REC114: variants seen among roughly 807,000 people sequenced by gnomAD.
REC114 encodes meiotic recombination protein REC114.
In REC114, 27 loss-of-function variants were observed where a neutral mutation model predicts 31.3. That is an observed-to-expected ratio of 0.86 (90% CI 0.64 to 1.19). The LOEUF is 1.19. Among genes scored for constraint, REC114 ranks in the 50% most tolerant of loss-of-function variants. The pLI, the probability that REC114 is intolerant of heterozygous loss-of-function variation, is 0.00. For missense variants in REC114, 344 were observed against 326.9 expected (o/e 1.05, Z -0.40); for synonymous variants, 134 against 127.7 (o/e 1.05, Z -0.33).
At chr15:73,445,014 C>T (rs375212257) in intron 1 of REC114, among the ~76,000 whole-genome samples, 1 of 152,178 alleles carries the variant, frequency 6.6e-6, no homozygotes, top group East Asian at 1.9e-4. Context: ...TTGGTCTCAA[C>T]AGTGGGCTTA....
intron 1 of REC114, among the ~76,000 whole-genome samples, chr15:73,453,540 C>T (rs953907283): frequency 2.6e-5 from 4 of 152,122 alleles, no homozygotes; most frequent in African/African-American, 9.7e-5. Context: ...ATTAGTTCAA[C>T]CATTGTGGAA....
chr15:73,472,320 G>A (rs914658618), intron 1 of REC114, among the ~76,000 whole-genome samples: 1 of 152,204 alleles, frequency 6.6e-6, no homozygotes, highest in Non-Finnish European at 1.5e-5. Context: ...TACTGGGAAA[G>A]AGGGAGAATT....
chr15:73,490,891 A>G (rs994576160), intron 2 of REC114, among the ~76,000 whole-genome samples: 3 of 152,036 alleles, frequency 2.0e-5, no homozygotes, highest in Non-Finnish European at 2.9e-5. Flanking sequence ...CTGGCACTAC[A>G]GATTAGTTTT....
chr15:73,546,837 G>A lies in REC114; in HGVS notation c.334-4101G>A, dbSNP rs1211834517. Among the ~76,000 whole-genome samples the A allele has an allele frequency of 2.8e-5, 4 of 140,944 alleles. No individual in the cohort carries two copies. The South Asian group carries it at 9.2e-4, about 32-fold the overall frequency. 92.5% of individuals were successfully genotyped at this position (140,944 alleles called of 152,430 possible). A position where few individuals can be genotyped will look rare whatever the true frequency, so the allele number is the denominator to read the frequency against. On this transcript the variant is annotated intron_variant, in intron 3 of 5. Transcript: ENST00000331090. ...CTCAGGAAAAAAAAAAAAAAAAAGAGTTCTGGGAAACTGATATCTATGTGC... is the reference window on the plus strand; with the variant it reads ...CTCAGGAAAAAAAAAAAAAAAAAGAATTCTGGGAAACTGATATCTATGTGC...
At chr15:73,474,750 AAC>A (rs1240834452) in intron 2 of REC114, among the ~76,000 whole-genome samples, 1 of 152,220 alleles carries the variant, frequency 6.6e-6, no homozygotes, top group African/African-American at 2.4e-5. Context: ...GTGGGGGAAA[AAC>A]AGCAATAAGC....
chr15:73,543,942 CT>C (rs34215297), intron 3 of REC114, among the ~76,000 whole-genome samples: 1,364 of 74,114 alleles, frequency 0.018, 6 homozygotes, highest in African/African-American at 0.061. Context: ...TGTTAACTGG[CT>C]TTTTTTTTTT....
rs1350769219 is a variant in REC114, at chr15:73,515,566, A to T, written c.250-24919A>T. Among the ~76,000 whole-genome samples, 4 of 151,990 alleles carry T rather than the reference A, an allele frequency of 2.6e-5. No individual in the cohort carries two copies. The East Asian group carries it at 7.7e-4, about 29-fold the overall frequency. On this transcript the variant is annotated intron_variant, in intron 2 of 5. Coordinates refer to ENST00000331090, the MANE Select transcript of REC114 (RefSeq NM_001042367.2). ...TTGGAAGTGGGGGCCTTTGGGAGGT[A>T]ATTAGGTTTAGGTGAAGTCATGAGA...
chr15:73,541,114 C>G (rs985709067), intron 3 of REC114, among the ~76,000 whole-genome samples: 1 of 151,988 alleles, frequency 6.6e-6, no homozygotes, highest in Non-Finnish European at 1.5e-5. Context: ...GTGAAAGATA[C>G]TAATTTTTGA....
rs189350753 is a variant in REC114 at position 73,506,681 on chromosome 15, G to A, written c.249+32760G>A. On this transcript the variant is annotated intron_variant, in intron 2 of 5. Coordinates refer to ENST00000331090, the MANE Select transcript of REC114 (RefSeq NM_001042367.2). ...ATTATTACAACTGTAAATCTTTTGG[G>A]GGGATAAGTGTAAATGAATGAGTTT... Among the ~76,000 whole-genome samples the A allele has an allele frequency of 3.2e-3, 487 of 152,266 alleles. 1 individual carries two copies. Among genetic ancestry groups the A allele is most frequent in the Non-Finnish European group, 4.8e-3 (326 of 68,012 alleles).
chr15:73,542,253 C>T (rs1894248577), intron 3 of REC114, among the ~76,000 whole-genome samples: 1 of 151,112 alleles, frequency 6.6e-6, no homozygotes, highest in South Asian at 2.1e-4. Context: ...ATTGCTTGAA[C>T]CTAGGAGGCA....
At chr15:73,489,757 A>C (rs1409219197) in intron 2 of REC114, among the ~76,000 whole-genome samples, 2 of 151,750 alleles carry the variant, frequency 1.3e-5, no homozygotes, top group Non-Finnish European at 2.9e-5. Flanking sequence ...GAAAAAAAAA[A>C]AACAAAACTC....
chr15:73,556,471 T>G lies in REC114; in HGVS notation c.636+80T>G. The G allele has an allele frequency of 3.3e-6, 4 of 1,201,156 alleles. No individual in the cohort carries two copies. The South Asian group carries it at 4.3e-5, about 13-fold the overall frequency. The allele number at this position is 1,201,156 out of a possible 1,614,324, so 74.4% of individuals were successfully genotyped here. A position where few individuals can be genotyped will look rare whatever the true frequency, so the allele number is the denominator to read the frequency against. On this transcript the variant is annotated intron_variant, in intron 5 of 5. Transcript: ENST00000331090. ...GAATTTGTATCCCTTTGTTCAATTC[T>G]TTGTTTTAGGAGAGAAACTTCTAAA...
intron 1 of REC114, among the ~76,000 whole-genome samples, chr15:73,445,895 A>C (rs1892758035): frequency 6.6e-6 from 1 of 152,212 alleles, no homozygotes; most frequent in Non-Finnish European, 1.5e-5. Context: ...AAATTACCAA[A>C]ATGTGATACA....
chr15:73,543,798 ATTTTT>A (rs903671871), intron 3 of REC114, among the ~76,000 whole-genome samples: 18 of 152,076 alleles, frequency 1.2e-4, no homozygotes, highest in African/African-American at 4.1e-4. Context: ...AATGATTTAT[ATTTTT>A]TATTACTTTC....
intron 2 of REC114, among the ~76,000 whole-genome samples, chr15:73,504,897 C>T (rs1272227457): frequency 6.6e-6 from 1 of 151,854 alleles, no homozygotes; most frequent in Non-Finnish European, 1.5e-5. Flanking sequence ...GTTAAGAAAC[C>T]CTGAACCTTG....
At chr15:73,510,709 T>C (rs1490347894) in intron 2 of REC114, among the ~76,000 whole-genome samples, 4 of 146,718 alleles carry the variant, frequency 2.7e-5, no homozygotes, top group African/African-American at 7.6e-5. Context: ...ATCATGTGGT[T>C]TTTGTCTTTG....
At chr15:73,496,588 G>A (rs1343050704) in intron 2 of REC114, among the ~76,000 whole-genome samples, 1 of 151,226 alleles carries the variant, frequency 6.6e-6, no homozygotes, top group Non-Finnish European at 1.5e-5. Flanking sequence ...GGGAGGTGGA[G>A]GTTGCAGTGA....
At chr15:73,478,402 A>AAGTATGT (rs1893245829) in intron 2 of REC114, among the ~76,000 whole-genome samples, 1 of 151,830 alleles carries the variant, frequency 6.6e-6, no homozygotes, top group Non-Finnish European at 1.5e-5. Flanking sequence ...TTAATTTGCT[A>AAGTATGT]AGTATGTGTT....
At chr15:73,468,611 G>C (rs1301310434) in intron 1 of REC114, among the ~76,000 whole-genome samples, 2 of 151,336 alleles carry the variant, frequency 1.3e-5, no homozygotes, top group Non-Finnish European at 2.9e-5. Context: ...AATAGAAGTG[G>C]TGAAAGTGGA....
Sources: allele counts gnomAD v4.1 joint callset (sites outside exome capture counted in the v4.1 genomes callset), GRCh38; gene constraint gnomAD v4.1.1; transcripts MANE v1.5; gene names NCBI Gene and HGNC (gene_info 2026-07-23, HGNC 2026-07-21).